NCALD: variants seen among roughly 807,000 people sequenced by gnomAD.
The protein encoded by NCALD is neurocalcin delta.
Under a neutral mutation model 18.6 loss-of-function variants are expected in NCALD, and 10 were observed. The observed-to-expected ratio is 0.54, with a 90% confidence interval of 0.33 to 0.91. The LOEUF is 0.91. Among genes scored for constraint, NCALD ranks in the 40% least tolerant of loss-of-function variants. The probability of loss-of-function intolerance (pLI) is 0.03; values close to 1 mark genes in which losing one functional copy is unlikely to be tolerated. For missense variants in NCALD, 184 were observed against 247.6 expected (o/e 0.74, Z 1.72); for synonymous variants, 88 against 87.4 (o/e 1.01, Z -0.04).
At chr8:102,073,122 T>C (rs1824230644) in intron 1 of NCALD, among the ~76,000 whole-genome samples, 1 of 152,144 alleles carries the variant, frequency 6.6e-6, no homozygotes, top group Non-Finnish European at 1.5e-5. Context: ...ATTTAGAATA[T>C]TGCAAAGTTA....
intron 3 of NCALD, among the ~76,000 whole-genome samples, chr8:101,905,248 T>G (rs1018182737): frequency 6.6e-6 from 1 of 151,814 alleles, no homozygotes; most frequent in African/African-American, 2.4e-5. Flanking sequence ...TCCCAAATCT[T>G]TATTTCTAGC....
intron 2 of NCALD, among the ~76,000 whole-genome samples, chr8:101,705,122 G>A (rs1030759151): frequency 6.6e-6 from 1 of 151,938 alleles, no homozygotes; most frequent in Non-Finnish European, 1.5e-5. Context: ...AGCTACTCAG[G>A]AGGCTGAGGC....
intron 1 of NCALD, among the ~76,000 whole-genome samples, chr8:102,027,202 G>A (rs933075720): frequency 4.6e-5 from 7 of 152,316 alleles, no homozygotes; most frequent in South Asian, 4.1e-4. Context: ...TTACTTATGC[G>A]AATTTCTGCA....
At chr8:101,708,573 C>CT (rs1024036843) in intron 2 of NCALD, among the ~76,000 whole-genome samples, 8 of 152,218 alleles carry the variant, frequency 5.3e-5, no homozygotes, top group African/African-American at 1.9e-4. Flanking sequence ...CATGCAGGTG[C>CT]TGTTCTAGGC....
intron 1 of NCALD, among the ~76,000 whole-genome samples, chr8:101,732,625 A>G (rs1816891543): frequency 2.9e-5 from 2 of 69,804 alleles, no homozygotes; most frequent in African/African-American, 1.2e-4. Flanking sequence ...TTTTTTTGAG[A>G]CAGGGTCTTG....
intron 2 of NCALD, among the ~76,000 whole-genome samples, chr8:101,948,429 AC>A: frequency 6.6e-6 from 1 of 152,250 alleles, no homozygotes; most frequent in East Asian, 1.9e-4. Flanking sequence ...CAGGAGTAAA[AC>A]TTTAGATATG....
In NCALD at chr8:101,956,558, C is replaced by T. The variant is rs116458228; in HGVS notation, c.-156-40700G>A. On this transcript the variant is annotated intron_variant, in intron 2 of 6. Coordinates refer to the NCALD transcript ENST00000311028. The stretch of plus-strand genomic sequence containing the variant: ...TCTACATATATTCTGAGGAAGGAAG[C>T]GGTTAGGGGAGAGAGAAAGAGGGAT... Among the ~76,000 whole-genome samples, 1,476 of 151,024 alleles carry T rather than the reference C, an allele frequency of 9.8e-3. 35 individuals are homozygous for T. Among genetic ancestry groups the T allele is most frequent in the African/African-American group, 0.033 (1,356 of 41,066 alleles).
chr8:101,876,879 T>A (rs1425453223), intron 4 of NCALD, among the ~76,000 whole-genome samples: 1 of 152,226 alleles, frequency 6.6e-6, no homozygotes, highest in African/African-American at 2.4e-5. Flanking sequence ...CGTTTTGCTT[T>A]CTTTGAATAA....
At chr8:101,842,980 A>T (rs73277033) in intron 4 of NCALD, among the ~76,000 whole-genome samples, 6,517 of 152,276 alleles carry the variant, frequency 0.043, 434 homozygotes, top group African/African-American at 0.14. Flanking sequence ...ATACATAAAA[A>T]AGCAGTTTTT....
intron 2 of NCALD, among the ~76,000 whole-genome samples, chr8:101,969,684 C>T (rs1168487448): frequency 2.0e-5 from 3 of 152,166 alleles, no homozygotes; most frequent in East Asian, 1.9e-4. Flanking sequence ...CATGAAACTT[C>T]GTCTTGGTAA....
chr8:101,948,389 G>A (rs1323757981), intron 2 of NCALD, among the ~76,000 whole-genome samples: 8 of 152,206 alleles, frequency 5.3e-5, no homozygotes, highest in Non-Finnish European at 1.2e-4. Flanking sequence ...CAGAGACTGA[G>A]GAGAAGGCTT....
chr8:101,955,910 A>T (rs1458879492), intron 2 of NCALD, among the ~76,000 whole-genome samples: 4 of 152,164 alleles, frequency 2.6e-5, no homozygotes, highest in Non-Finnish European at 5.9e-5. Flanking sequence ...AGGAATACAC[A>T]CTCAGGTATT....
intron 2 of NCALD, among the ~76,000 whole-genome samples, chr8:101,697,220 A>G (rs1428003761): frequency 1.3e-5 from 2 of 152,174 alleles, no homozygotes; most frequent in African/African-American, 4.8e-5. Context: ...TCCTGGACAC[A>G]TACACCCTCC....
At chr8:101,822,088 T>C (rs529941855) in intron 4 of NCALD, among the ~76,000 whole-genome samples, 2 of 152,252 alleles carry the variant, frequency 1.3e-5, no homozygotes, top group African/African-American at 4.8e-5. Context: ...AAAATGTGTG[T>C]GTCACCTAAC....
At chr8:101,830,956 T>C (rs7000008) in intron 4 of NCALD, among the ~76,000 whole-genome samples, 4,921 of 152,074 alleles carry the variant, frequency 0.032, 278 homozygotes, top group African/African-American at 0.11. Flanking sequence ...TGAGACAATA[T>C]GCAGGAAGTG....
At chr8:102,087,025 C>T (rs1021100903) in intron 1 of NCALD, among the ~76,000 whole-genome samples, 1 of 152,234 alleles carries the variant, frequency 6.6e-6, no homozygotes, top group African/African-American at 2.4e-5. Flanking sequence ...CCCACCCCTT[C>T]CTTAGCATAT....
chr8:101,760,481 C>T (rs1010339829), intron 1 of NCALD, among the ~76,000 whole-genome samples: 2 of 152,188 alleles, frequency 1.3e-5, no homozygotes, highest in Non-Finnish European at 2.9e-5. Flanking sequence ...TAAATGCAAA[C>T]TGACGTCTGG....
At chr8:101,708,973 TACTCTTTTTAAA>T (rs1054641236) in intron 2 of NCALD, among the ~76,000 whole-genome samples, 3 of 151,812 alleles carry the variant, frequency 2.0e-5, no homozygotes, top group Non-Finnish European at 4.4e-5. Flanking sequence ...CCAAGATGGC[TACTCTTTTTAAA>T]AATGAAGGGT....
intron 2 of NCALD, among the ~76,000 whole-genome samples, chr8:101,927,317 G>A (rs1009502167): frequency 1.5e-4 from 23 of 152,176 alleles, no homozygotes; most frequent in African/African-American, 4.8e-4. Flanking sequence ...CTGGTGGAGC[G>A]TACAGTCTAG....
Sources: allele counts gnomAD v4.1 joint callset (sites outside exome capture counted in the v4.1 genomes callset), GRCh38; gene constraint gnomAD v4.1.1; transcripts MANE v1.5; gene names NCBI Gene and HGNC (gene_info 2026-07-23, HGNC 2026-07-21).